The following NR5A2 variants were observed in gnomAD, a reference collection of about 807,000 sequenced individuals.
NR5A2 encodes the protein CYP7A promoter-binding factor.
NR5A2 carries 26 observed loss-of-function variants against 62.7 expected under a neutral mutation model. That is an observed-to-expected ratio of 0.41 (90% CI 0.30 to 0.58). The LOEUF (loss-of-function observed/expected upper bound fraction) is 0.58, where lower values mean the gene tolerates loss of function less well. NR5A2 is among the 20% of genes least tolerant of loss of function. The probability of loss-of-function intolerance (pLI) is 0.22; values close to 1 mark genes in which losing one functional copy is unlikely to be tolerated. For missense variants in NR5A2, 541 were observed against 669.1 expected (o/e 0.81, Z 2.11); for synonymous variants, 246 against 241.7 (o/e 1.02, Z -0.16).
chr1:200,049,658 T>C (rs1002170991), intron 5 of NR5A2, among the ~76,000 whole-genome samples: 1 of 152,214 alleles, frequency 6.6e-6, no homozygotes, highest in African/African-American at 2.4e-5. Context: ...ATTTTAAAAG[T>C]GAGTCTTGAA....
Position 200,039,547 on chromosome 1 carries a change from C to T in NR5A2, c.65-111C>T. On this transcript the variant is annotated intron_variant, in intron 1 of 7. Transcript: ENST00000367362. The surrounding 1 kb of genome is among the most constrained non-coding windows in gnomAD (Gnocchi z 5.1). Reference sequence around the variant, plus strand: ...GGGCTCAGAGGTCCTGCCCGGCAGCCCCGAGGAGGCGGAGGCACGCTCCGG... The same window carrying T: ...GGGCTCAGAGGTCCTGCCCGGCAGCTCCGAGGAGGCGGAGGCACGCTCCGG... 2 of 1,516,620 alleles carry T rather than the reference C, an allele frequency of 1.3e-6. No individual in the cohort carries two copies. Among genetic ancestry groups the T allele is most frequent in the Non-Finnish European group, 1.8e-6 (2 of 1,110,300 alleles). The allele number at this position is 1,516,620 out of a possible 1,614,324, so 93.9% of individuals were successfully genotyped here.
At chr1:200,145,778 C>A (rs1457293926) in intron 7 of NR5A2, among the ~76,000 whole-genome samples, 1 of 152,086 alleles carries the variant, frequency 6.6e-6, no homozygotes, top group Admixed American at 6.5e-5. Context: ...TGCATGCCAC[C>A]ACACCTATAG....
At chr1:200,102,349 G>A (rs979354137) in intron 5 of NR5A2, among the ~76,000 whole-genome samples, 1 of 152,178 alleles carries the variant, frequency 6.6e-6, no homozygotes, top group African/African-American at 2.4e-5. Context: ...CTAGGTTACA[G>A]AGTGGTTTCT....
intron 5 of NR5A2, among the ~76,000 whole-genome samples, chr1:200,087,865 C>T (rs1313707487): frequency 2.0e-5 from 3 of 151,842 alleles, no homozygotes; most frequent in Non-Finnish European, 4.4e-5. Context: ...AATTCTCCCA[C>T]CTCAGCCTCC....
intron 5 of NR5A2, among the ~76,000 whole-genome samples, chr1:200,051,204 AAAAT>A (rs1558106306): frequency 6.6e-6 from 1 of 152,212 alleles, no homozygotes; most frequent in Non-Finnish European, 1.5e-5. Flanking sequence ...ATTATTTTAA[AAAAT>A]AAAGACAGCC....
Position 200,120,937 on chromosome 1 carries a change from T to C in NR5A2, c.1360T>C (p.Leu454=), listed in dbSNP as rs1294957180. The C allele has an allele frequency of 4.3e-6, 7 of 1,613,922 alleles. No individual in the cohort carries two copies. Among genetic ancestry groups the C allele is most frequent in the Non-Finnish European group, 5.9e-6 (7 of 1,179,968 alleles). The stretch of plus-strand genomic sequence containing the variant: ...ACGAGAGTTCGTATGTCTGAAATTC[T>C]TGGTGCTCTTTAGTTTAGGTAAGAA... ...DQREFVCLKF[L]VLFSLDVKNL... Residue 454 remains leucine, a synonymous_variant, in exon 7 of 8, where the codon TTG becomes CTG. Coordinates refer to ENST00000367362, the MANE Select transcript of NR5A2 (RefSeq NM_205860.3).
At chr1:200,072,885 G>A (rs1305756300) in intron 5 of NR5A2, among the ~76,000 whole-genome samples, 1 of 152,102 alleles carries the variant, frequency 6.6e-6, no homozygotes. Context: ...TAGCAAGCCC[G>A]TGAATTTAGA....
chr1:200,097,509 G>A (rs1395262511), intron 5 of NR5A2, among the ~76,000 whole-genome samples: 1 of 152,168 alleles, frequency 6.6e-6, no homozygotes, highest in Non-Finnish European at 1.5e-5. Context: ...GCCACCTTTG[G>A]GGAACTTATA....
intron 7 of NR5A2, among the ~76,000 whole-genome samples, chr1:200,128,040 T>C (rs1250394252): frequency 6.6e-6 from 1 of 152,106 alleles, no homozygotes; most frequent in East Asian, 1.9e-4. Flanking sequence ...TTATTGAATA[T>C]GCTAAGTAAT....
chr1:200,043,215 T>G (rs993086309), intron 2 of NR5A2, among the ~76,000 whole-genome samples: 6 of 152,186 alleles, frequency 3.9e-5, no homozygotes, highest in Admixed American at 3.9e-4. Context: ...GATCTGAAAG[T>G]TGGGAGCCTC....
At chr1:200,153,224 T>A (rs1653217928) in intron 7 of NR5A2, among the ~76,000 whole-genome samples, 1 of 152,250 alleles carries the variant, frequency 6.6e-6, no homozygotes, top group Non-Finnish European at 1.5e-5. Context: ...AGCATTTGGA[T>A]GATTACAGAT....
Position 200,039,871 on chromosome 1 carries a change from C to A in NR5A2, c.202+76C>A. ...GGCTCGCCCTGCAGGCTTCAGCCTCCCGCCCCGCGCGGGCGCGGGAGTAGC... is the reference window on the plus strand; with the variant it reads ...GGCTCGCCCTGCAGGCTTCAGCCTCACGCCCCGCGCGGGCGCGGGAGTAGC... On this transcript the variant is annotated intron_variant, in intron 2 of 7. Coordinates refer to ENST00000367362, the MANE Select transcript of NR5A2 (RefSeq NM_205860.3). The surrounding 1 kb of genome is among the most constrained non-coding windows in gnomAD (Gnocchi z 5.1). The A allele has an allele frequency of 6.1e-6, 9 of 1,471,474 alleles. No homozygotes were observed. The highest frequency in any genetic ancestry group is 8.0e-6 in the Non-Finnish European group (9 of 1,120,354). The allele number at this position is 1,471,474 out of a possible 1,614,324, so 91.2% of individuals were successfully genotyped here.
chr1:200,043,322 T>C (rs1209913817), intron 2 of NR5A2, among the ~76,000 whole-genome samples: 2 of 152,350 alleles, frequency 1.3e-5, no homozygotes, highest in Admixed American at 1.3e-4. Context: ...CTGCTGTCCC[T>C]GTAAGCAAGG....
intron 7 of NR5A2, among the ~76,000 whole-genome samples, chr1:200,149,525 C>A (rs977432742): frequency 6.6e-6 from 1 of 152,158 alleles, no homozygotes; most frequent in African/African-American, 2.4e-5. Flanking sequence ...TTGGAAGCAA[C>A]CCACAGCTAT....
At chr1:200,120,281 AATATTGT>A (rs1409303004) in intron 6 of NR5A2, among the ~76,000 whole-genome samples, 8 of 152,188 alleles carry the variant, frequency 5.3e-5, no homozygotes, top group Non-Finnish European at 1.2e-4. Flanking sequence ...TGCACTAGTT[AATATTGT>A]ATATACATAG....
At chr1:200,056,892 A>G (rs1041961829) in intron 5 of NR5A2, among the ~76,000 whole-genome samples, 9 of 152,294 alleles carry the variant, frequency 5.9e-5, no homozygotes, top group Admixed American at 4.6e-4. Flanking sequence ...GAATCTGAAC[A>G]GTGAGAGTAG....
chr1:200,164,563 T>C (rs1292388675), intron 7 of NR5A2, among the ~76,000 whole-genome samples: 1 of 151,914 alleles, frequency 6.6e-6, no homozygotes, highest in Non-Finnish European at 1.5e-5. Context: ...TTTTTTTTTT[T>C]TTGAGACAGA....
chr1:200,073,248 ATATATATATATATTCCCCTT>A (rs1278744983), intron 5 of NR5A2, among the ~76,000 whole-genome samples: 18 of 120,644 alleles, frequency 1.5e-4, no homozygotes, highest in African/African-American at 3.8e-4. Context: ...ATATATATAT[ATATATATATATATTCCCCTT>A]TATATATATA....
chr1:200,091,235 C>T (rs946216079), intron 5 of NR5A2, among the ~76,000 whole-genome samples: 1 of 152,184 alleles, frequency 6.6e-6, no homozygotes, highest in Admixed American at 6.5e-5. Context: ...GAGTGATGCA[C>T]TCTAACAGTG....
Sources: gnomAD v4.1 joint callset for allele counts (sites outside exome capture counted in the v4.1 genomes callset) on GRCh38, gnomAD v4.1.1 for gene constraint, Gnocchi (gnomAD v3.1) non-coding constraint, MANE v1.5 for transcripts, NCBI Gene and HGNC (gene_info 2026-07-23, HGNC 2026-07-21) for gene names.